The following CACNA1A variants were observed in gnomAD, a reference collection of about 807,000 sequenced individuals.
CACNA1A encodes the protein voltage-dependent P/Q-type calcium channel subunit alpha-1A.
Under a neutral mutation model 262.4 loss-of-function variants are expected in CACNA1A, and 57 were observed. The ratio of observed to expected loss-of-function variants is 0.22; its 90% CI spans 0.18 to 0.27. The LOEUF (loss-of-function observed/expected upper bound fraction) is 0.27. Among genes scored for constraint, CACNA1A ranks in the 10% least tolerant of loss-of-function variants. The pLI is 1.00. For missense variants in CACNA1A, 2,526 were observed against 3,562.8 expected, an observed-to-expected ratio of 0.71 and a Z score of 7.41; for synonymous variants, 1,431 against 1,419.3, an observed-to-expected ratio of 1.01 and a Z score of -0.18.
chr19:13,453,290 T>C (rs2060948703), intron 2 of CACNA1A, among the ~76,000 whole-genome samples: 1 of 152,238 alleles, frequency 6.6e-6, no homozygotes, highest in Non-Finnish European at 1.5e-5. Context: ...GCACCTGTCT[T>C]ATTCAATACG....
At position 13,208,876 on chromosome 19, in the gene CACNA1A, G is replaced by T. The variant is rs771726163; in HGVS notation, c.6660C>A (p.Pro2220=). The T allele has an allele frequency of 3.3e-6, 5 of 1,518,260 alleles. No homozygotes were observed. The South Asian group carries it at 6.0e-5, about 18-fold the overall frequency. 94.0% of individuals were successfully genotyped at this position (1,518,260 alleles called of 1,614,324 possible). ...HHHHHHHHHH[P]PPPDKDRYAQ... is the part of the protein sequence containing the mutation. ...CATAGCGGTCCTTGTCGGGGGGCGG[G>T]GGATGGTGGTGGTGGTGGTGGTGGT... is the stretch of plus-strand genomic sequence containing the variant. Residue 2220 remains proline (P), a synonymous_variant, in exon 46 of 47, where the codon CCC becomes CCA. Transcript: ENST00000360228.
At position 13,466,633 on chromosome 19, in the gene CACNA1A, G is replaced by A. The variant is rs1469416648; in HGVS notation, c.294-11421C>T. ...TGGGATTACAGGCGTGAGCCACCATGCCCATCCGAGACTCTGTCTTTTAAA... is the reference window on the plus strand; with the variant it reads ...TGGGATTACAGGCGTGAGCCACCATACCCATCCGAGACTCTGTCTTTTAAA... On this transcript the variant is annotated intron_variant, in intron 1 of 46. Coordinates refer to ENST00000360228, the MANE Select transcript of CACNA1A (RefSeq NM_001127222.2). Among the ~76,000 whole-genome samples the A allele has an allele frequency of 2.7e-5, 4 of 150,528 alleles. 1 individual carries two copies. The highest frequency in any genetic ancestry group is 2.6e-4 in the Admixed American group (4 of 15,104).
intron 6 of CACNA1A, among the ~76,000 whole-genome samples, chr19:13,339,477 T>A (rs2058638908): frequency 6.6e-6 from 1 of 152,162 alleles, no homozygotes; most frequent in South Asian, 2.1e-4. Context: ...AATGTGAATG[T>A]ATTATACTTA....
intron 3 of CACNA1A, among the ~76,000 whole-genome samples, chr19:13,417,889 CAA>C (rs113789898): frequency 0.035 from 2,889 of 83,296 alleles, 32 homozygotes; most frequent in Non-Finnish European, 0.042. Flanking sequence ...GACTCCATCT[CAA>C]AAAAAAAAAA....
At chr19:13,413,715 C>CAA (rs2060160277) in intron 3 of CACNA1A, among the ~76,000 whole-genome samples, 1 of 128,360 alleles carries the variant, frequency 7.8e-6, no homozygotes, top group Non-Finnish European at 1.6e-5. Context: ...CCCGTCTCTA[C>CAA]TAAAAAAAAA....
rs200495103 is a variant in CACNA1A, at chr19:13,212,359, T to C, written c.6189+25A>G. The stretch of plus-strand genomic sequence containing the variant: ...TGAACCACCCGGGCCCTGGGAGCCA[T>C]TGGGGAGTTGGGGGACAGAGGCACC... On this transcript the variant is annotated intron_variant, in intron 42 of 46. Coordinates refer to ENST00000360228, the MANE Select transcript of CACNA1A (RefSeq NM_001127222.2). The surrounding 1 kb of genome is among the most constrained non-coding windows in gnomAD (Gnocchi z 5.6). 1.7e-4 allele frequency: 267 copies of C among 1,612,936 alleles called. No individual in the cohort carries two copies. Among genetic ancestry groups the C allele is most frequent in the Admixed American group, 4.5e-4 (27 of 59,868 alleles).
intron 1 of CACNA1A, among the ~76,000 whole-genome samples, chr19:13,462,007 C>T (rs1385114905): frequency 1.3e-5 from 2 of 152,124 alleles, no homozygotes; most frequent in Non-Finnish European, 1.5e-5. Context: ...CTGGAAAAGA[C>T]CAAGTTTGAC....
At chr19:13,480,666 A>C (rs1235565617) in intron 1 of CACNA1A, among the ~76,000 whole-genome samples, 1 of 152,178 alleles carries the variant, frequency 6.6e-6, no homozygotes, top group Admixed American at 6.5e-5. Flanking sequence ...CTTGTCTCTA[A>C]TTTTAAAATT....
intron 3 of CACNA1A, among the ~76,000 whole-genome samples, chr19:13,374,876 G>T (rs2059379478): frequency 6.6e-6 from 1 of 152,088 alleles, no homozygotes; most frequent in South Asian, 2.1e-4. Context: ...TCCCTGTGTT[G>T]CCCAGGCTGG....
rs1282151579 is a variant in CACNA1A at position 13,275,967 on chromosome 19, G to A, written c.3883-11C>T. 6.3e-7 allele frequency: 1 copy of A among 1,581,506 alleles called. No individual in the cohort carries two copies. The highest frequency in any genetic ancestry group is 8.7e-7 in the Non-Finnish European group (1 of 1,150,606). On this transcript the variant is annotated splice_polypyrimidine_tract_variant and intron_variant, in intron 23 of 46. Transcript: ENST00000360228. ...CCCCAGGTCAATCATCTGTGGGGGAGAAGAGAGGGTGCTCAGAACCCCCAC... is the reference window on the plus strand; with the variant it reads ...CCCCAGGTCAATCATCTGTGGGGGAAAAGAGAGGGTGCTCAGAACCCCCAC...
Position 13,380,745 on chromosome 19 carries a change from GTTTGTTTATTTATTTATTTATTTA to G in CACNA1A, c.540-8990_540-8967del, listed in dbSNP as rs1459265562. On this transcript the variant is annotated intron_variant, in intron 3 of 46. Transcript: ENST00000360228. ...AATTCATTTATTGGTTTGTTTGTTT[GTTTGTTTATTTATTTATTTATTTA>G]TTTATTTATTTATTTATTTATTTTG... Among the ~76,000 whole-genome samples, 69 of 142,984 alleles carry G rather than the reference GTTTGTTTATTTATTTATTTATTTA, an allele frequency of 4.8e-4. 1 individual carries two copies. Among genetic ancestry groups the G allele is most frequent in the African/African-American group, 1.7e-3 (66 of 37,936 alleles). The allele number at this position is 142,984 out of a possible 152,430, so 93.8% of individuals were successfully genotyped here. A position where few individuals can be genotyped will look rare whatever the true frequency, so the allele number is the denominator to read the frequency against.
chr19:13,451,997 T>C (rs568963339), intron 3 of CACNA1A: 2 of 152,114 alleles, frequency 1.3e-5, no homozygotes, highest in South Asian at 4.2e-4. Flanking sequence ...TAATTTTTAT[T>C]TTATTTTATG....
chr19:13,286,041 G>A (rs531025680), intron 20 of CACNA1A, among the ~76,000 whole-genome samples: 2 of 143,756 alleles, frequency 1.4e-5, no homozygotes, highest in East Asian at 2.1e-4. Context: ...ACTCTACCTC[G>A]GCCTCCTGAA....
At chr19:13,365,220 G>T in intron 5 of CACNA1A, 97 bp downstream of exon 5, 2 of 1,077,922 alleles carry the variant, frequency 1.9e-6, no homozygotes, top group Non-Finnish European at 2.7e-6. Flanking sequence ...GGTCCTCCCA[G>T]CTGCCAGGAG....
chr19:13,401,442 T>C (rs571277725), intron 3 of CACNA1A, among the ~76,000 whole-genome samples: 1 of 152,308 alleles, frequency 6.6e-6, no homozygotes, highest in East Asian at 1.9e-4. Flanking sequence ...GATACATAGT[T>C]GAGGCATGAG....
intron 30 of CACNA1A, chr19:13,252,783 T>C (rs1600174660): frequency 7.3e-6 from 3 of 411,940 alleles, no homozygotes; most frequent in East Asian, 7.4e-5. Context: ...TAAGCAGCCA[T>C]ATGGTAACAC....
At chr19:13,339,735 G>C (rs754674735) in intron 6 of CACNA1A, among the ~76,000 whole-genome samples, 4 of 150,586 alleles carry the variant, frequency 2.7e-5, no homozygotes, top group Non-Finnish European at 5.9e-5. Context: ...AAAAATATTA[G>C]GATGGTAAAT....
intron 11 of CACNA1A, among the ~76,000 whole-genome samples, chr19:13,313,652 T>A (rs1340331547): frequency 6.6e-6 from 1 of 152,112 alleles, no homozygotes; most frequent in Non-Finnish European, 1.5e-5. Flanking sequence ...GGATCGGATA[T>A]AGATTATTGC....
intron 3 of CACNA1A, among the ~76,000 whole-genome samples, chr19:13,376,838 A>G (rs938092754): frequency 4.1e-5 from 6 of 146,908 alleles, no homozygotes; most frequent in Middle Eastern, 3.3e-3. Flanking sequence ...CACATGTTAT[A>G]TGTGATATAT....
Sources: allele counts gnomAD v4.1 joint callset (sites outside exome capture counted in the v4.1 genomes callset), GRCh38; gene constraint gnomAD v4.1.1; non-coding constraint Gnocchi (gnomAD v3.1); transcripts MANE v1.5; gene names NCBI Gene and HGNC (gene_info 2026-07-23, HGNC 2026-07-21).